Variants in RALGPS1 observed in about 807,000 individuals in gnomAD.
RALGPS1 encodes the protein ras-specific guanine nucleotide-releasing factor RalGPS1.
A neutral mutation model predicts 78.8 loss-of-function variants in RALGPS1; 19 were observed. That is an observed-to-expected ratio of 0.24 (90% confidence interval 0.17 to 0.35). The LOEUF is 0.35. RALGPS1 is among the 10% of genes least tolerant of loss of function. The pLI is 1.00. For synonymous variants in RALGPS1, 228 were observed against 256.3 expected (o/e 0.89, Z 1.06); for missense variants, 454 against 688.3 (o/e 0.66, Z 3.81).
chr9:127,134,239 C>A (rs2057242349), intron 8 of RALGPS1, among the ~76,000 whole-genome samples: 1 of 152,116 alleles, frequency 6.6e-6, no homozygotes. Flanking sequence ...CAATTTAAAT[C>A]TGTATTCCGA....
chr9:126,927,745 C>T (rs2035428893), intron 1 of RALGPS1, among the ~76,000 whole-genome samples: 2 of 152,312 alleles, frequency 1.3e-5, no homozygotes, highest in South Asian at 4.1e-4. Flanking sequence ...GAAAGTTGCG[C>T]CCTCCCCCAT....
chr9:127,026,673 C>A (rs903683457), intron 4 of RALGPS1, among the ~76,000 whole-genome samples: 7 of 152,168 alleles, frequency 4.6e-5, no homozygotes, highest in Admixed American at 3.9e-4. Context: ...GGTTTTCCTT[C>A]CGTTCTGTTG....
intron 8 of RALGPS1, among the ~76,000 whole-genome samples, chr9:127,132,936 T>G (rs1205277698): frequency 6.6e-6 from 1 of 152,196 alleles, no homozygotes; most frequent in African/African-American, 2.4e-5. Flanking sequence ...AACCAGACTT[T>G]TAGGTCCAAA....
intron 1 of RALGPS1, among the ~76,000 whole-genome samples, 192 bp downstream of exon 1, chr9:126,915,167 G>T (rs1057408532): frequency 1.7e-4 from 25 of 144,334 alleles, no homozygotes; most frequent in Non-Finnish European, 3.1e-4. Flanking sequence ...GCCTGCGGGT[G>T]CCCGGCGCCG....
Position 127,091,784 on chromosome 9 carries a change from T to C in RALGPS1, c.610+22428T>C. The C allele has an allele frequency of 6.2e-7, 1 of 1,614,162 alleles. No homozygotes were observed. Among genetic ancestry groups the C allele is most frequent in the Non-Finnish European group, 8.5e-7 (1 of 1,180,026 alleles). On this transcript the variant is annotated intron_variant, in intron 8 of 18. Transcript: ENST00000259351. This position sits in a 1 kb window ranked among gnomAD's most constrained non-coding sequence, Gnocchi z 4.3. ...CCCAGCCGCAGCTTATAATACTCGC[T>C]CTCAGGTTCCAGGCGGAAACTGGCG...
In RALGPS1 at chr9:127,217,479, G is replaced by A. The variant is rs3780318; in HGVS notation, c.1645-1261G>A. 0.041 allele frequency: 40,448 copies of A among 978,116 alleles called. 10,159 individuals carry two copies. In the African/African-American group the frequency reaches 0.59, roughly 14 times the overall value. 60.6% of individuals were successfully genotyped at this position (978,116 alleles called of 1,614,324 possible). ...ATCGCAGTGACTAGAGTGATTTTCT[G>A]TTCTGTGGAACTGCATGTCCTAAAC... On this transcript the variant is annotated intron_variant, in intron 18 of 18. Coordinates refer to ENST00000259351, the MANE Select transcript of RALGPS1 (RefSeq NM_014636.3).
At chr9:127,210,883 C>T in intron 14 of RALGPS1, 2 of 1,007,226 alleles carry the variant, frequency 2.0e-6, no homozygotes, top group Non-Finnish European at 2.9e-6. Flanking sequence ...CAGACACAGC[C>T]TTTGCCTACA....
At chr9:126,939,592 C>T (rs1166382063) in intron 1 of RALGPS1, among the ~76,000 whole-genome samples, 1 of 152,142 alleles carries the variant, frequency 6.6e-6, no homozygotes, top group Admixed American at 6.5e-5. Flanking sequence ...TCCTGTATGC[C>T]CACTTTACAG....
intron 8 of RALGPS1, among the ~76,000 whole-genome samples, chr9:127,132,931 GACTTTT>G (rs765152437): frequency 2.6e-5 from 4 of 152,214 alleles, no homozygotes; most frequent in Non-Finnish European, 5.9e-5. Context: ...TCTGGAACCA[GACTTTT>G]AGGTCCAAAT....
At chr9:127,104,502 C>A (rs2054032579) in intron 8 of RALGPS1, among the ~76,000 whole-genome samples, 1 of 152,256 alleles carries the variant, frequency 6.6e-6, no homozygotes, top group East Asian at 1.9e-4. Context: ...GGCCTCATCA[C>A]AGAATCATCC....
intron 8 of RALGPS1, among the ~76,000 whole-genome samples, chr9:127,139,455 A>G (rs1263994675): frequency 6.6e-6 from 1 of 152,256 alleles, no homozygotes; most frequent in African/African-American, 2.4e-5. Flanking sequence ...ATGCCCAGAC[A>G]AACAGGACCA....
intron 8 of RALGPS1, among the ~76,000 whole-genome samples, chr9:127,159,704 G>A (rs11789486): frequency 0.37 from 56,545 of 152,074 alleles, 12,451 homozygotes; most frequent in Non-Finnish European, 0.48. Context: ...TCATCATGCA[G>A]TAGATGGAAA....
chr9:127,168,524 A>G (rs1157920916), intron 9 of RALGPS1, among the ~76,000 whole-genome samples, 155 bp from the exon 10 acceptor site: 1 of 152,234 alleles, frequency 6.6e-6, no homozygotes, highest in Non-Finnish European at 1.5e-5. Context: ...AGTGGCCAGC[A>G]CAGGGCCAGT....
intron 1 of RALGPS1, among the ~76,000 whole-genome samples, chr9:126,929,707 G>T (rs899573158): frequency 3.3e-5 from 5 of 152,006 alleles, no homozygotes; most frequent in African/African-American, 1.2e-4. Flanking sequence ...CAGGTAATCT[G>T]CCTGCCTTGG....
chr9:127,203,116 G>A (rs768243145), intron 14 of RALGPS1, among the ~76,000 whole-genome samples: 6 of 152,206 alleles, frequency 3.9e-5, no homozygotes, highest in Non-Finnish European at 5.9e-5. Context: ...CAGCCTACGA[G>A]TTAAAGGATT....
At position 126,997,117 on chromosome 9, in the gene RALGPS1, G is replaced by T. The variant is rs544535336; in HGVS notation, c.216+19372G>T. On this transcript the variant is annotated intron_variant, in intron 4 of 18. Coordinates refer to ENST00000259351, the MANE Select transcript of RALGPS1 (RefSeq NM_014636.3). Reference sequence around the variant, plus strand: ...AACTGGAAGCATTCCCTTTGAAAACGGGCACAAGACAGGGATGCCCTCTCT... The same window carrying T: ...AACTGGAAGCATTCCCTTTGAAAACTGGCACAAGACAGGGATGCCCTCTCT... Among the ~76,000 whole-genome samples, 67 of 152,088 alleles carry T rather than the reference G, an allele frequency of 4.4e-4. No homozygotes were observed. The East Asian group carries it at 0.01, about 24-fold the overall frequency.
chr9:127,089,715 T>A (rs2052227749), intron 8 of RALGPS1, among the ~76,000 whole-genome samples: 1 of 152,230 alleles, frequency 6.6e-6, no homozygotes, highest in Non-Finnish European at 1.5e-5. Context: ...AGGAAAGATA[T>A]TTCCATAAAA....
chr9:126,965,702 TG>T (rs2039416614), intron 2 of RALGPS1, 141 bp from the exon 3 acceptor site: 2 of 616,516 alleles, frequency 3.2e-6, no homozygotes, highest in East Asian at 5.4e-5. Flanking sequence ...GTGCCTGGAC[TG>T]GGGTAAAGCT....
At chr9:126,963,004 A>G (rs1376911877) in intron 2 of RALGPS1, among the ~76,000 whole-genome samples, 2 of 152,210 alleles carry the variant, frequency 1.3e-5, no homozygotes, top group South Asian at 2.1e-4. Context: ...TAACCTGCCA[A>G]AAAGTCACAG....
Sources: gnomAD v4.1 joint callset for allele counts (sites outside exome capture counted in the v4.1 genomes callset) on GRCh38, gnomAD v4.1.1 for gene constraint, Gnocchi (gnomAD v3.1) non-coding constraint, MANE v1.5 for transcripts, NCBI Gene and HGNC (gene_info 2026-07-23, HGNC 2026-07-21) for gene names.